MYO6: variants seen among roughly 807,000 people sequenced by gnomAD.
The protein encoded by MYO6 is unconventional myosin-VI.
In MYO6, 74 loss-of-function variants were observed where a neutral mutation model predicts 178.7. The observed-to-expected ratio is 0.41, with a 90% CI of 0.34 to 0.50. The LOEUF (loss-of-function observed/expected upper bound fraction) is 0.50, where lower values mean the gene tolerates loss of function less well. Ranked by LOEUF, MYO6 falls within the 20% of genes least tolerant of loss-of-function variation. The probability of loss-of-function intolerance (pLI) is 0.09; values close to 1 mark genes in which losing one functional copy is unlikely to be tolerated. For synonymous variants in MYO6, 477 were observed against 504.6 expected (o/e 0.95, Z 0.73); for missense variants, 1,330 against 1,547.4 (o/e 0.86, Z 2.36).
intron 3 of MYO6, among the ~76,000 whole-genome samples, chr6:75,825,560 T>C (rs897505200): frequency 6.6e-6 from 1 of 152,214 alleles, no homozygotes; most frequent in African/African-American, 2.4e-5. Context: ...GCTGTTGCAC[T>C]ACAGCCTGGG....
chr6:75,822,016 A>G (rs1173030233), intron 2 of MYO6, among the ~76,000 whole-genome samples: 1 of 151,988 alleles, frequency 6.6e-6, no homozygotes, highest in East Asian at 1.9e-4. Context: ...ATTTTACTGA[A>G]ACAATAGCTA....
At chr6:75,781,765 A>G (rs1013768213) in intron 1 of MYO6, among the ~76,000 whole-genome samples, 2 of 151,968 alleles carry the variant, frequency 1.3e-5, no homozygotes, top group Admixed American at 1.3e-4. Flanking sequence ...TACTAAAAAT[A>G]GAAAAATTAG....
intron 1 of MYO6, among the ~76,000 whole-genome samples, chr6:75,777,733 A>G (rs1001537595): frequency 7.2e-5 from 11 of 152,118 alleles, no homozygotes; most frequent in African/African-American, 2.7e-4. Flanking sequence ...CACTGCACCC[A>G]GCCAAGTTTG....
chr6:75,888,057 A>G (rs1778601671), intron 25 of MYO6, among the ~76,000 whole-genome samples: 1 of 152,026 alleles, frequency 6.6e-6, no homozygotes, highest in Non-Finnish European at 1.5e-5. Context: ...TGGGAGGCCG[A>G]GGTGGGCGGA....
intron 1 of MYO6, among the ~76,000 whole-genome samples, chr6:75,786,194 G>C (rs1767550350): frequency 1.3e-5 from 2 of 152,072 alleles, no homozygotes; most frequent in Non-Finnish European, 2.9e-5. Context: ...CCAAAGTGCT[G>C]GGATTACAAG....
intron 12 of MYO6, among the ~76,000 whole-genome samples, chr6:75,856,810 C>T (rs1183535400): frequency 6.6e-6 from 1 of 152,002 alleles, no homozygotes; most frequent in Non-Finnish European, 1.5e-5. Flanking sequence ...GGAGGTTATT[C>T]CTTTGAATAA....
In MYO6 at chr6:75,885,945, A is replaced by G. The variant is rs535685380; in HGVS notation, c.2417-59A>G. 9.1e-5 allele frequency: 92 copies of G among 1,013,608 alleles called. No homozygotes were observed. The African/African-American group carries it at 1.4e-3, about 15-fold the overall frequency. 62.8% of individuals were successfully genotyped at this position (1,013,608 alleles called of 1,614,324 possible). A position where few individuals can be genotyped will look rare whatever the true frequency, so the allele number is the denominator to read the frequency against. On this transcript the variant is annotated intron_variant, in intron 23 of 34. Transcript: ENST00000369977. The stretch of plus-strand genomic sequence containing the variant: ...TACTTTGTGAAAATGAGTTTTTTTA[A>G]TATATGTTAGATTTAAACTGAATAA...
chr6:75,764,968 C>T (rs1023313202), intron 1 of MYO6, among the ~76,000 whole-genome samples: 1 of 150,508 alleles, frequency 6.6e-6, no homozygotes, highest in Non-Finnish European at 1.5e-5. Context: ...CACTGCGCTC[C>T]AGCCTGGGCG....
chr6:75,909,719 T>G (rs1780614205), intron 32 of MYO6, among the ~76,000 whole-genome samples: 1 of 152,188 alleles, frequency 6.6e-6, no homozygotes, highest in African/African-American at 2.4e-5. Context: ...CTGGTTAACA[T>G]CAAGGTGACA....
Position 75,879,871 on chromosome 6 carries a change from C to T in MYO6, c.2129C>T (p.Ser710Leu). ...LMQGGYPSRASFHELYNMYKK... is the reference protein window; with the variant it reads ...LMQGGYPSRALFHELYNMYKK... ...CAGGGTGGTTACCCATCACGAGCTT[C>T]ATTTCATGAACTCTACAACATGTAC... Residue 710 changes from serine (S) to leucine (L), a missense_variant, in exon 21 of 35, where the codon TCA (serine) becomes TTA (leucine). By Grantham distance (145) the Ser-to-Leu change is moderately radical. Transcript: ENST00000369977. 6.2e-7 allele frequency: 1 copy of T among 1,614,116 alleles called. No homozygotes were observed. Among genetic ancestry groups the T allele is most frequent in the Non-Finnish European group, 8.5e-7 (1 of 1,180,004 alleles).
chr6:75,911,557 G>A, intron 32 of MYO6, 115 bp from the exon 33 acceptor site: 2 of 879,768 alleles, frequency 2.3e-6, no homozygotes, highest in South Asian at 2.9e-5. Flanking sequence ...CTTGTGGATA[G>A]GATATTTACT....
At chr6:75,749,741 G>C (rs1045224502) in intron 1 of MYO6, among the ~76,000 whole-genome samples, 2 of 152,040 alleles carry the variant, frequency 1.3e-5, no homozygotes, top group African/African-American at 4.8e-5. Flanking sequence ...GACACTCCGT[G>C]ATAGTTTTAT....
chr6:75,846,002 T>A (rs1458743703), intron 10 of MYO6, among the ~76,000 whole-genome samples: 2 of 150,032 alleles, frequency 1.3e-5, no homozygotes, highest in Non-Finnish European at 3.0e-5. Flanking sequence ...AAAAAAAAGC[T>A]TATATATTAT....
intron 1 of MYO6, among the ~76,000 whole-genome samples, chr6:75,795,466 T>A (rs541900070): frequency 6.6e-6 from 1 of 151,866 alleles, no homozygotes; most frequent in East Asian, 1.9e-4. Context: ...AAGTTAACTG[T>A]TTGAGTAACT....
intron 11 of MYO6, among the ~76,000 whole-genome samples, chr6:75,854,523 G>C (rs556609987): frequency 1.3e-5 from 2 of 151,998 alleles, no homozygotes; most frequent in East Asian, 3.9e-4. Flanking sequence ...AGCTCATCAT[G>C]TATATGCAGT....
chr6:75,858,982 A>G lies in MYO6; in HGVS notation c.1462A>G (p.Ile488Val), dbSNP rs751142935. The G allele has an allele frequency of 2.5e-6, 4 of 1,592,074 alleles. No individual in the cohort carries two copies. The highest frequency in any genetic ancestry group is 3.4e-6 in the Non-Finnish European group (4 of 1,161,034). ...EKLQQFFNER[I>V]LKEEQELYQK... The stretch of plus-strand genomic sequence containing the variant: ...ACTTCAACAATTTTTTAATGAAAGG[A>G]TTCTGAAGGAGGTAATTGCCATTAT... The change falls in exon 14 of 35, where the codon ATT (isoleucine) becomes GTT (valine). Residue 488 changes from isoleucine to valine, a missense_variant. Physicochemically the swap from Ile to Val is conservative, Grantham distance 29. Coordinates refer to ENST00000369977, the MANE Select transcript of MYO6 (RefSeq NM_004999.4).
rs879894688 is a variant in MYO6 at position 75,840,442 on chromosome 6, T to C, written c.554-143T>C. 7.2e-4 allele frequency: 484 copies of C among 670,740 alleles called. 1 individual carries two copies. The highest frequency in any genetic ancestry group is 8.8e-4 in the Non-Finnish European group (330 of 375,674). The allele number at this position is 670,740 out of a possible 1,614,324, so 41.5% of individuals were successfully genotyped here. ...TCCCAAAGTGCTGGGATTACAGGCA[T>C]GAGCCACTGTGTCCCGCCCATGTTA... is the stretch of plus-strand genomic sequence containing the variant. On this transcript the variant is annotated intron_variant, in intron 7 of 34. Coordinates refer to ENST00000369977, the MANE Select transcript of MYO6 (RefSeq NM_004999.4).
At chr6:75,871,324 G>A (rs558335711) in intron 19 of MYO6, among the ~76,000 whole-genome samples, 4 of 152,064 alleles carry the variant, frequency 2.6e-5, no homozygotes, top group African/African-American at 7.2e-5. Context: ...ATCACAACTC[G>A]CTGCAACCTC....
chr6:75,783,015 A>G (rs1562150448), intron 1 of MYO6, among the ~76,000 whole-genome samples: 1 of 151,378 alleles, frequency 6.6e-6, no homozygotes, highest in Non-Finnish European at 1.5e-5. Context: ...CCTAGGCTCA[A>G]GTGATCCTAC....
Sources: gnomAD v4.1 joint callset for allele counts (sites outside exome capture counted in the v4.1 genomes callset) on GRCh38, gnomAD v4.1.1 for gene constraint, MANE v1.5 for transcripts, NCBI Gene and HGNC (gene_info 2026-07-23, HGNC 2026-07-21) for gene names.